Variants in CSGALNACT1 observed in about 807,000 individuals in gnomAD.
CSGALNACT1 encodes chondroitin sulfate N-acetylgalactosaminyltransferase 1, also known as beta4GalNAcT-1.
Under a neutral mutation model 51.0 loss-of-function variants are expected in CSGALNACT1, and 52 were observed. The observed-to-expected ratio is 1.02, with a 90% CI of 0.82 to 1.29. The LOEUF (loss-of-function observed/expected upper bound fraction) is 1.29. Ranked by LOEUF, CSGALNACT1 falls within the 50% of genes most tolerant of loss-of-function variation. The probability of loss-of-function intolerance (pLI) is 0.00; values close to 1 mark genes in which losing one functional copy is unlikely to be tolerated. For missense variants in CSGALNACT1, 935 were observed against 679.2 expected (o/e 1.38, Z -4.19); for synonymous variants, 341 against 254.4 (o/e 1.34, Z -3.24).
chr8:19,743,758 A>T (rs928640413), intron 1 of CSGALNACT1, among the ~76,000 whole-genome samples: 9 of 152,230 alleles, frequency 5.9e-5, no homozygotes, highest in African/African-American at 1.9e-4. Context: ...CATTGAATAA[A>T]ATTAATGCCA....
exon 10 of CSGALNACT1, chr8:19,404,704 G>T (rs1346940371): frequency 2.2e-6 from 1 of 454,256 alleles, no homozygotes; most frequent in South Asian, 1.6e-5. Context: ...GGTTCACACG[G>T]TATACTTTGG....
At chr8:19,499,941 TCAC>T (rs2076133554) in intron 4 of CSGALNACT1, among the ~76,000 whole-genome samples, 1 of 152,176 alleles carries the variant, frequency 6.6e-6, no homozygotes, top group Non-Finnish European at 1.5e-5. Flanking sequence ...TTTCTCACCA[TCAC>T]CACAAGGAGG....
At chr8:19,744,522 G>C (rs1160448704) in intron 1 of CSGALNACT1, among the ~76,000 whole-genome samples, 1 of 152,124 alleles carries the variant, frequency 6.6e-6, no homozygotes, top group African/African-American at 2.4e-5. Context: ...TAACATGTTG[G>C]AAGCCTTCCT....
intron 2 of CSGALNACT1, among the ~76,000 whole-genome samples, chr8:19,592,470 A>G (rs2048029562): frequency 6.6e-6 from 1 of 152,240 alleles, no homozygotes; most frequent in African/African-American, 2.4e-5. Flanking sequence ...AAAGCAAATG[A>G]GCAGGGTATA....
At chr8:19,447,702 C>T (rs564487434) in intron 5 of CSGALNACT1, among the ~76,000 whole-genome samples, 4 of 152,286 alleles carry the variant, frequency 2.6e-5, no homozygotes, top group Admixed American at 2.0e-4. Flanking sequence ...TGGTTCTCGA[C>T]CACTGTCTTG....
intron 1 of CSGALNACT1, among the ~76,000 whole-genome samples, chr8:19,694,973 C>T (rs538545203): frequency 6.6e-6 from 1 of 152,164 alleles, no homozygotes; most frequent in African/African-American, 2.4e-5. Context: ...TTCAACAAGC[C>T]CCGGAGACAG....
At chr8:19,465,264 G>T (rs1396933410) in intron 4 of CSGALNACT1, among the ~76,000 whole-genome samples, 2 of 152,174 alleles carry the variant, frequency 1.3e-5, no homozygotes, top group African/African-American at 2.4e-5. Context: ...AATACTGTAA[G>T]ATCCCGCTGA....
intron 4 of CSGALNACT1, among the ~76,000 whole-genome samples, chr8:19,478,817 T>A (rs558527363): frequency 2.6e-5 from 4 of 152,198 alleles, no homozygotes; most frequent in Non-Finnish European, 5.9e-5. Flanking sequence ...TGAAGGGCAA[T>A]ATTCAAATGA....
exon 10 of CSGALNACT1, chr8:19,405,922 G>A (rs1177073234): frequency 6.8e-6 from 11 of 1,614,150 alleles, no homozygotes; most frequent in Non-Finnish European, 9.3e-6. Context: ...CTGCTCGGGG[G>A]TCAGCTCGTC....
chr8:19,662,969 T>C (rs753749076), intron 1 of CSGALNACT1, among the ~76,000 whole-genome samples: 3 of 152,176 alleles, frequency 2.0e-5, no homozygotes, highest in Non-Finnish European at 4.4e-5. Context: ...CAGGCACATC[T>C]GTAATGATGC....
intron 9 of CSGALNACT1, 33 bp downstream of exon 8, chr8:19,408,580 C>G (rs2054855804): frequency 1.3e-6 from 2 of 1,572,378 alleles, no homozygotes; most frequent in Non-Finnish European, 8.7e-7. Flanking sequence ...CCCGTGGCCT[C>G]TGGGTGGCAG....
intron 1 of CSGALNACT1, among the ~76,000 whole-genome samples, chr8:19,658,683 G>A (rs1375856134): frequency 6.6e-6 from 1 of 152,114 alleles, no homozygotes; most frequent in Non-Finnish European, 1.5e-5. Context: ...ACAGTGAGCT[G>A]AGATCGCGAC....
At chr8:19,584,184 A>G (rs1327761994) in intron 3 of CSGALNACT1, among the ~76,000 whole-genome samples, 1 of 152,240 alleles carries the variant, frequency 6.6e-6, no homozygotes, top group East Asian at 1.9e-4. Flanking sequence ...TTTCATCTGC[A>G]GAACGTAATA....
chr8:19,513,201 T>C (rs2078777711), intron 3 of CSGALNACT1, among the ~76,000 whole-genome samples: 1 of 151,834 alleles, frequency 6.6e-6, no homozygotes, highest in Non-Finnish European at 1.5e-5. Context: ...GACCATGCAC[T>C]AGACACTGAA....
intron 5 of CSGALNACT1, among the ~76,000 whole-genome samples, chr8:19,451,629 G>A (rs1032878001): frequency 1.3e-5 from 2 of 152,154 alleles, no homozygotes; most frequent in African/African-American, 4.8e-5. Flanking sequence ...GCTGTTTTCT[G>A]CAGACCTAGC....
At chr8:19,436,535 C>A (rs1187646864) in intron 6 of CSGALNACT1, among the ~76,000 whole-genome samples, 1 of 152,056 alleles carries the variant, frequency 6.6e-6, no homozygotes, top group Admixed American at 6.6e-5. Context: ...AATAAGATAC[C>A]TCTGAACAAA....
intron 3 of CSGALNACT1, among the ~76,000 whole-genome samples, chr8:19,553,266 A>G (rs2154084719): frequency 6.6e-6 from 1 of 152,236 alleles, no homozygotes; most frequent in Admixed American, 6.5e-5. Flanking sequence ...GGTCCACTGA[A>G]CCACACTAAA....
intron 1 of CSGALNACT1, among the ~76,000 whole-genome samples, chr8:19,752,170 T>C (rs1460958181): frequency 6.7e-6 from 1 of 148,194 alleles, no homozygotes; most frequent in Non-Finnish European, 1.5e-5. Context: ...TATATGAGTA[T>C]ATATTCATAT....
At chr8:19,475,633 AG>A (rs969890560) in intron 4 of CSGALNACT1, among the ~76,000 whole-genome samples, 2 of 152,216 alleles carry the variant, frequency 1.3e-5, no homozygotes, top group African/African-American at 4.8e-5. Flanking sequence ...GTAAGTAAAA[AG>A]TGGTTTCCTT....
Sources: gnomAD v4.1 joint callset for allele counts (sites outside exome capture counted in the v4.1 genomes callset) on GRCh38, gnomAD v4.1.1 for gene constraint, MANE v1.5 for transcripts, NCBI Gene and HGNC (gene_info 2026-07-23, HGNC 2026-07-21) for gene names.